Variants in GRID2 observed in about 807,000 individuals in gnomAD.
GRID2 encodes the protein glutamate receptor ionotropic, delta-2.
A neutral mutation model predicts 114.8 loss-of-function variants in GRID2; 33 were observed. The observed-to-expected ratio is 0.29, with a 90% CI of 0.22 to 0.38. The LOEUF is 0.38. GRID2 is among the 10% of genes least tolerant of loss of function. GRID2 has a pLI of 1.00. For synonymous variants in GRID2, 505 were observed against 449.9 expected, an observed-to-expected ratio of 1.12 and a Z score of -1.55; for missense variants, 1,184 against 1,257.7, an observed-to-expected ratio of 0.94 and a Z score of 0.89.
intron 2 of GRID2, among the ~76,000 whole-genome samples, chr4:92,617,429 T>C (rs552974971): frequency 6.6e-5 from 10 of 151,760 alleles, no homozygotes; most frequent in African/African-American, 2.2e-4. Flanking sequence ...ACTTCCATTA[T>C]ATAAATTATT....
chr4:92,707,675 G>A (rs1478435536), intron 2 of GRID2, among the ~76,000 whole-genome samples: 4 of 152,196 alleles, frequency 2.6e-5, no homozygotes, highest in Admixed American at 2.0e-4. Flanking sequence ...ATGCTATGGC[G>A]TATGTTGTAG....
chr4:92,430,807 C>T (rs1263818062), intron 1 of GRID2, among the ~76,000 whole-genome samples: 1 of 151,982 alleles, frequency 6.6e-6, no homozygotes, highest in Non-Finnish European at 1.5e-5. Context: ...TTTCCTTGTA[C>T]AGATCTTTCA....
chr4:93,085,620 T>C (rs1730268996), intron 3 of GRID2, among the ~76,000 whole-genome samples: 1 of 152,158 alleles, frequency 6.6e-6, no homozygotes, highest in Non-Finnish European at 1.5e-5. Context: ...TTCAAAAAAA[T>C]GTATACCTCT....
chr4:93,112,958 C>A (rs186764686), intron 4 of GRID2, among the ~76,000 whole-genome samples: 2 of 152,246 alleles, frequency 1.3e-5, no homozygotes, highest in African/African-American at 4.8e-5. Flanking sequence ...TCTGTAAAGA[C>A]CTTATCTCCA....
At chr4:93,453,337 AGAGAGAGAGAG>A (rs1722884966) in intron 10 of GRID2, among the ~76,000 whole-genome samples, 1 of 150,340 alleles carries the variant, frequency 6.7e-6, no homozygotes, top group Non-Finnish European at 1.5e-5. Flanking sequence ...AGAGAGAGAG[AGAGAGAGAGAG>A]AGAGAGAGAG....
intron 1 of GRID2, among the ~76,000 whole-genome samples, chr4:93,795,339 G>A (rs1252816904): frequency 6.6e-6 from 1 of 151,752 alleles, no homozygotes. Flanking sequence ...GACTATGTAA[G>A]TGTGTATTAT....
intron 2 of GRID2, among the ~76,000 whole-genome samples, chr4:92,831,209 A>G (rs768699224): frequency 8.5e-5 from 13 of 152,186 alleles, no homozygotes; most frequent in Admixed American, 5.9e-4. Context: ...TTTTATGTCT[A>G]TTCTTTTATA....
intron 8 of GRID2, among the ~76,000 whole-genome samples, chr4:93,306,866 T>G (rs1755479133): frequency 6.6e-6 from 1 of 152,206 alleles, no homozygotes; most frequent in Non-Finnish European, 1.5e-5. Context: ...TATATTTTAC[T>G]TGATAAAATG....
chr4:93,239,895 G>A (rs990243148), intron 8 of GRID2, among the ~76,000 whole-genome samples: 7 of 151,606 alleles, frequency 4.6e-5, no homozygotes, highest in African/African-American at 1.7e-4. Flanking sequence ...ACTTATGAAT[G>A]GTCTCAAGAA....
chr4:92,466,619 C>T (rs1011996045), intron 1 of GRID2, among the ~76,000 whole-genome samples: 24 of 151,732 alleles, frequency 1.6e-4, no homozygotes, highest in African/African-American at 5.8e-4. Context: ...TCCTTGGTTT[C>T]TTTTACAGTC....
intron 1 of GRID2, among the ~76,000 whole-genome samples, chr4:92,525,696 A>G (rs554929591): frequency 6.6e-6 from 1 of 152,252 alleles, no homozygotes; most frequent in Non-Finnish European, 1.5e-5. Context: ...GTGCAGAGGA[A>G]ATTTTGGGTT....
chr4:92,534,785 T>G (rs1579534002), intron 1 of GRID2, among the ~76,000 whole-genome samples: 1 of 152,278 alleles, frequency 6.6e-6, no homozygotes, highest in East Asian at 1.9e-4. Context: ...ATTTCAACAT[T>G]ATTTTAATAT....
chr4:93,157,770 C>G (rs1277686419), intron 4 of GRID2, among the ~76,000 whole-genome samples: 2 of 151,650 alleles, frequency 1.3e-5, no homozygotes, highest in African/African-American at 4.8e-5. Flanking sequence ...CTCTCATGCT[C>G]TCTCGCTACA....
intron 14 of GRID2, among the ~76,000 whole-genome samples, chr4:93,648,108 G>A (rs564273590): frequency 7.9e-5 from 12 of 152,256 alleles, no homozygotes; most frequent in African/African-American, 2.9e-4. Context: ...AATGAAAATA[G>A]AAAGAGGGAC....
At chr4:92,779,409 ACTTT>A (rs1340958318) in intron 2 of GRID2, among the ~76,000 whole-genome samples, 1 of 152,088 alleles carries the variant, frequency 6.6e-6, no homozygotes, top group African/African-American at 2.4e-5. Context: ...TTTTCTCATT[ACTTT>A]CTTTCTAAAC....
At chr4:92,387,046 T>C (rs559272411) in intron 1 of GRID2, among the ~76,000 whole-genome samples, 100 of 152,102 alleles carry the variant, frequency 6.6e-4, no homozygotes, top group African/African-American at 2.2e-3. Flanking sequence ...TGGTCAAATA[T>C]ATCAAATTAA....
chr4:93,712,642 G>A (rs922189227), intron 14 of GRID2, among the ~76,000 whole-genome samples: 91 of 152,164 alleles, frequency 6.0e-4, no homozygotes, highest in Admixed American at 1.3e-3. Flanking sequence ...TGGTCCTGAC[G>A]TGGTACGTAA....
At chr4:92,592,472 C>T (rs530553327) in intron 2 of GRID2, among the ~76,000 whole-genome samples, 12 of 152,040 alleles carry the variant, frequency 7.9e-5, no homozygotes, top group African/African-American at 2.9e-4. Flanking sequence ...AAATACTACA[C>T]CTTTTTTTTT....
At chr4:93,593,051 A>T (rs1738579405) in intron 13 of GRID2, among the ~76,000 whole-genome samples, 1 of 151,808 alleles carries the variant, frequency 6.6e-6, no homozygotes, top group South Asian at 2.1e-4. Context: ...AATTTAGTCC[A>T]TTTACATTTA....
Sources: allele counts gnomAD v4.1 joint callset (sites outside exome capture counted in the v4.1 genomes callset), GRCh38; gene constraint gnomAD v4.1.1; transcripts MANE v1.5; gene names NCBI Gene and HGNC (gene_info 2026-07-23, HGNC 2026-07-21).